Variants in TP73 observed in about 807,000 individuals in gnomAD.
TP73 encodes the protein p53-like transcription factor.
Under a neutral mutation model 62.5 loss-of-function variants are expected in TP73, and 25 were observed. That is an observed-to-expected ratio of 0.40 (90% confidence interval 0.29 to 0.56). The LOEUF (loss-of-function observed/expected upper bound fraction) is 0.56, where lower values mean the gene tolerates loss of function less well. TP73 is among the 20% of genes least tolerant of loss of function. The pLI is 0.46. For missense variants in TP73, 754 were observed against 913.3 expected (o/e 0.83, Z 2.25); for synonymous variants, 423 against 377.5 (o/e 1.12, Z -1.40).
chr1:3,730,775 CA>C (rs1189866388), intron 11 of TP73, 151 bp from the exon 12 acceptor site: 2 of 1,104,106 alleles, frequency 1.8e-6, no homozygotes, highest in Non-Finnish European at 2.5e-6. Context: ...AGCCCTTGCT[CA>C]AGCCTCTAGC....
At position 3,675,736 on chromosome 1, in the gene TP73, C is replaced by T. The variant is rs1480139037; in HGVS notation, c.-33-6597C>T. ...TGGGGAGTGCCTCTTCCAGAGTGGG[C>T]TCAGTCGGGGTGGAGTGTCCTGGCT... On this transcript the variant is annotated intron_variant, in intron 1 of 13. Coordinates refer to ENST00000378295, the MANE Select transcript of TP73 (RefSeq NM_005427.4). Among the ~76,000 whole-genome samples the T allele has an allele frequency of 5.9e-5, 9 of 152,170 alleles. No homozygotes were observed. The East Asian group carries it at 9.7e-4, about 16-fold the overall frequency.
At chr1:3,653,068 C>T (rs1380913724) in intron 1 of TP73, among the ~76,000 whole-genome samples, 2 of 152,240 alleles carry the variant, frequency 1.3e-5, no homozygotes, top group African/African-American at 4.8e-5. Context: ...CGCGCGCTCC[C>T]TCCGACCTGC....
chr1:3,675,558 T>C (rs1370497032), intron 1 of TP73, among the ~76,000 whole-genome samples: 1 of 152,110 alleles, frequency 6.6e-6, no homozygotes, highest in Non-Finnish European at 1.5e-5. Context: ...TAAGAGCCAG[T>C]GTCCGGGATG....
At chr1:3,721,870 G>A (rs1641097842) in intron 4 of TP73, 151 bp from the exon 5 acceptor site, 1 of 760,812 alleles carries the variant, frequency 1.3e-6, no homozygotes, top group Non-Finnish European at 2.1e-6. Context: ...ACACCTGGAG[G>A]GATTCAGCAG....
At chr1:3,727,832 C>A in intron 8 of TP73, 62 bp downstream of exon 8, 2 of 1,466,352 alleles carry the variant, frequency 1.4e-6, no homozygotes, top group Non-Finnish European at 9.0e-7. Flanking sequence ...ATTGGCAGGA[C>A]ACAATGTGAG....
At chr1:3,730,310 A>G (rs896638989) in intron 11 of TP73, among the ~76,000 whole-genome samples, 162 bp downstream of exon 11, 4 of 152,226 alleles carry the variant, frequency 2.6e-5, no homozygotes, top group Admixed American at 1.3e-4. Flanking sequence ...AGCCACGGAT[A>G]GCCCTCTCTG....
At position 3,734,888 on chromosome 1, in the gene TP73, TTCCTTCCAGC is replaced by T. The variant is rs1642374079; in HGVS notation, c.*1817_*1826del. The T allele has an allele frequency of 6.6e-6, 1 of 152,342 alleles. No homozygotes were observed. The allele number at this position is 152,342 out of a possible 1,614,324, so 9.4% of individuals were successfully genotyped here. On this transcript the variant is annotated 3_prime_UTR_variant, in exon 14 of 14. Transcript: ENST00000378295. This position sits in a 1 kb window ranked among gnomAD's most constrained non-coding sequence, Gnocchi z 4.4. Reference sequence around the variant, plus strand: ...TGCAGCCAGGGCGAGGGCCTGGCCCTTCCTTCCAGCTCCTTCCGGCTCCTTCCAGCTGAAG... The same window carrying T: ...TGCAGCCAGGGCGAGGGCCTGGCCCTTCCTTCCGGCTCCTTCCAGCTGAAG...
chr1:3,730,251 C>T (rs1642027533), intron 11 of TP73, 103 bp downstream of exon 11: 1 of 1,310,550 alleles, frequency 7.6e-7, no homozygotes, highest in Non-Finnish European at 9.9e-7. Context: ...GGGCAGGTGT[C>T]TCTGTGGCTG....
At chr1:3,707,920 G>A (rs1411800819) in intron 4 of TP73, 129 bp downstream of exon 4, 1 of 1,424,044 alleles carries the variant, frequency 7.0e-7, no homozygotes. Flanking sequence ...ACCTGGCCCG[G>A]GCCAGGAGGA....
In TP73 at chr1:3,733,398, C is replaced by T. The variant is rs1361254627; in HGVS notation, c.*319C>T. ...TGGCAGGCGTGGGTGGGGACCGCAG[C>T]GTCGGCTCCGACTTCCAGGCTTCAT... On this transcript the variant is annotated 3_prime_UTR_variant, in exon 14 of 14. Coordinates refer to ENST00000378295, the MANE Select transcript of TP73 (RefSeq NM_005427.4). 1.7e-5 allele frequency: 7 copies of T among 415,916 alleles called. No individual in the cohort carries two copies. Among genetic ancestry groups the T allele is most frequent in the Admixed American group, 4.0e-5 (1 of 25,072 alleles). 25.8% of individuals were successfully genotyped at this position (415,916 alleles called of 1,614,324 possible). A position where few individuals can be genotyped will look rare whatever the true frequency, so the allele number is the denominator to read the frequency against.
chr1:3,653,271 G>A lies in TP73; in HGVS notation c.-34+630G>A, dbSNP rs1174688405. 5.3e-5 allele frequency among the ~76,000 whole-genome samples: 8 copies of A among 152,248 alleles called. No individual in the cohort carries two copies. In the South Asian group the frequency reaches 6.2e-4, roughly 12 times the overall value. On this transcript the variant is annotated intron_variant, in intron 1 of 13. Coordinates refer to ENST00000378295, the MANE Select transcript of TP73 (RefSeq NM_005427.4). ...CGAGGGCTCCTGGCCTGTCTCCGGA[G>A]CGGTCCCAGGTAGAGAAAGCCCGTG...
At chr1:3,684,275 C>A (rs1490286991) in intron 3 of TP73, among the ~76,000 whole-genome samples, 1 of 152,140 alleles carries the variant, frequency 6.6e-6, no homozygotes, top group African/African-American at 2.4e-5. Context: ...GTTTGCGCTG[C>A]GGAAAACCAG....
At chr1:3,655,549 C>T (rs1218556219) in intron 1 of TP73, among the ~76,000 whole-genome samples, 1 of 152,160 alleles carries the variant, frequency 6.6e-6, no homozygotes, top group African/African-American at 2.4e-5. Flanking sequence ...AAGAAAAAAG[C>T]TGAGATGAGT....
chr1:3,732,698 C>T (rs1260401721), intron 13 of TP73, 49 bp from the exon 14 acceptor site: 1 of 1,502,254 alleles, frequency 6.7e-7, no homozygotes, highest in East Asian at 2.3e-5. Flanking sequence ...ACCCCCCCTG[C>T]TCTCCCTGCT....
At chr1:3,727,471 T>A in intron 7 of TP73, 157 bp from the exon 8 acceptor site, 1 of 1,142,484 alleles carries the variant, frequency 8.8e-7, no homozygotes, top group Non-Finnish European at 1.2e-6. Context: ...AGCCTCTGAC[T>A]CCCTCTAGCG....
intron 4 of TP73, among the ~76,000 whole-genome samples, chr1:3,709,100 T>A (rs1639919080): frequency 1.3e-5 from 2 of 152,194 alleles, no homozygotes; most frequent in African/African-American, 4.8e-5. Context: ...GCTCTGCAGG[T>A]AGCCGGACAG....
At chr1:3,702,026 A>G (rs1639213697) in intron 3 of TP73, among the ~76,000 whole-genome samples, 1 of 152,112 alleles carries the variant, frequency 6.6e-6, no homozygotes, top group African/African-American at 2.4e-5. Flanking sequence ...TAGGGGCATC[A>G]GTAGACCCAG....
intron 1 of TP73, among the ~76,000 whole-genome samples, chr1:3,659,747 T>C (rs1468084103): frequency 6.6e-6 from 1 of 152,204 alleles, no homozygotes; most frequent in African/African-American, 2.4e-5. Flanking sequence ...AGTGGCATCA[T>C]CTCGACTCAC....
rs3765748 is a variant in TP73, at chr1:3,704,686, G to A, written c.187-2863G>A. ...CCAGGAAGGGCCTGGGCCCGTGGTC[G>A]TAAGCAGGTCTCAGACACCTCAGAG... On this transcript the variant is annotated intron_variant, in intron 3 of 13. Coordinates refer to ENST00000378295, the MANE Select transcript of TP73 (RefSeq NM_005427.4). Among the ~76,000 whole-genome samples the A allele has an allele frequency of 3.8e-3, 576 of 152,324 alleles. 19 individuals carry two copies. The highest frequency in any genetic ancestry group is 0.026 in the Admixed American group (400 of 15,306).
Sources: allele counts gnomAD v4.1 joint callset (sites outside exome capture counted in the v4.1 genomes callset), GRCh38; gene constraint gnomAD v4.1.1; non-coding constraint Gnocchi (gnomAD v3.1); transcripts MANE v1.5; gene names NCBI Gene and HGNC (gene_info 2026-07-23, HGNC 2026-07-21).